Variants in KYNU observed in about 807,000 individuals in gnomAD.
KYNU encodes L-kynurenine hydrolase.
A neutral mutation model predicts 59.2 loss-of-function variants in KYNU; 54 were observed. The observed-to-expected ratio is 0.91, with a 90% confidence interval of 0.73 to 1.14. KYNU has a LOEUF of 1.14. Ranked by LOEUF, KYNU falls within the 50% of genes most tolerant of loss-of-function variation. The pLI is 0.00. For synonymous variants in KYNU, 177 were observed against 192.0 expected (o/e 0.92, Z 0.65); for missense variants, 567 against 554.4 (o/e 1.02, Z -0.23).
intron 12 of KYNU, among the ~76,000 whole-genome samples, chr2:143,036,214 AT>A (rs1686889651): frequency 6.6e-6 from 1 of 151,954 alleles, no homozygotes; most frequent in African/African-American, 2.4e-5. Context: ...AATTTAATTT[AT>A]TTAGTAAGGC....
At chr2:142,897,447 CA>C (rs1176701666) in intron 2 of KYNU, among the ~76,000 whole-genome samples, 1 of 152,200 alleles carries the variant, frequency 6.6e-6, no homozygotes, top group African/African-American at 2.4e-5. Flanking sequence ...ATTAGTACCA[CA>C]ATTATTAAGA....
chr2:142,937,839 A>G (rs979347981), intron 4 of KYNU, among the ~76,000 whole-genome samples: 2 of 152,224 alleles, frequency 1.3e-5, no homozygotes, highest in African/African-American at 4.8e-5. Flanking sequence ...TTTAGGCTGG[A>G]CTTAAAATAT....
In KYNU at chr2:143,051,118, AATAG is replaced by A. The variant is rs1487474748; in HGVS notation, c.*8949_*8952del. ...AGGTCATTGTGAAGTAGTGGATGTAAATAGATCTGATGTGGTTTTGGTTTATTGC... is the reference window on the plus strand; with the variant it reads ...AGGTCATTGTGAAGTAGTGGATGTAAATCTGATGTGGTTTTGGTTTATTGC... On this transcript the variant is annotated 3_prime_UTR_variant, in exon 14 of 14. Transcript: ENST00000264170. The A allele has an allele frequency of 6.6e-6, 1 of 152,190 alleles. No homozygotes were observed. The highest frequency in any genetic ancestry group is 1.5e-5 in the Non-Finnish European group (1 of 68,026). The allele number at this position is 152,190 out of a possible 1,614,324, so 9.4% of individuals were successfully genotyped here.
At chr2:142,958,698 G>A (rs1030410405) in intron 7 of KYNU, among the ~76,000 whole-genome samples, 5 of 152,126 alleles carry the variant, frequency 3.3e-5, no homozygotes, top group Non-Finnish European at 2.9e-5. Context: ...CCAATATTGT[G>A]GAGTTTCATG....
At chr2:143,004,737 C>G (rs892693428) in intron 10 of KYNU, among the ~76,000 whole-genome samples, 2 of 152,012 alleles carry the variant, frequency 1.3e-5, no homozygotes, top group African/African-American at 4.8e-5. Context: ...TTTTTCCTCC[C>G]GAGCATACAA....
chr2:142,997,807 A>G (rs530807849), intron 10 of KYNU, among the ~76,000 whole-genome samples: 40 of 152,260 alleles, frequency 2.6e-4, no homozygotes, highest in African/African-American at 9.1e-4. Context: ...AATGAATGAC[A>G]TATTTAGGAA....
intron 3 of KYNU, among the ~76,000 whole-genome samples, chr2:142,919,790 G>A (rs574001141): frequency 6.6e-6 from 1 of 152,228 alleles, no homozygotes; most frequent in Non-Finnish European, 1.5e-5. Flanking sequence ...ACAAAAATTA[G>A]GCCGGGAATG....
chr2:143,042,600 A>ATGTGTG lies in KYNU; in HGVS notation c.*429_*430insGTGTGT, dbSNP rs1687087632. On this transcript the variant is annotated 3_prime_UTR_variant, in exon 14 of 14. Coordinates refer to ENST00000264170, the MANE Select transcript of KYNU (RefSeq NM_003937.3). ...TGTAGTCTGATATATATATATATAT[A>ATGTGTG]TATATATATATATATATATATATAT... 2.4e-4 allele frequency: 2 copies of ATGTGTG among 8,498 alleles called. No homozygotes were observed. The highest frequency in any genetic ancestry group is 4.9e-4 in the African/African-American group (2 of 4,114). 0.5% of individuals were successfully genotyped at this position (8,498 alleles called of 1,614,324 possible).
chr2:142,924,186 C>T (rs1400673205), intron 3 of KYNU, among the ~76,000 whole-genome samples: 1 of 151,928 alleles, frequency 6.6e-6, no homozygotes, highest in Non-Finnish European at 1.5e-5. Context: ...CTCACTGCAG[C>T]CTTAAACACT....
At position 143,012,182 on chromosome 2, in the gene KYNU, A is replaced by G. The variant is rs187964603; in HGVS notation, c.903-17445A>G. 6.4e-3 allele frequency among the ~76,000 whole-genome samples: 973 copies of G among 152,282 alleles called. 7 individuals carry two copies. Among genetic ancestry groups the G allele is most frequent in the Non-Finnish European group, 8.3e-3 (567 of 68,012 alleles). The stretch of plus-strand genomic sequence containing the variant: ...CAAAGGAGAACAGAAGAAAGCAGCT[A>G]TCTCAGAAGGGGCTCTGGACCAGGC... On this transcript the variant is annotated intron_variant, in intron 10 of 13. Coordinates refer to ENST00000264170, the MANE Select transcript of KYNU (RefSeq NM_003937.3).
intron 1 of KYNU, among the ~76,000 whole-genome samples, chr2:142,880,934 CA>C (rs1465288344): frequency 1.3e-5 from 2 of 152,106 alleles, no homozygotes; most frequent in Non-Finnish European, 2.9e-5. Context: ...TACATATGTC[CA>C]AATAAATATA....
chr2:142,939,602 C>CAAAAAAAAAAAAA (rs71301737), intron 4 of KYNU, among the ~76,000 whole-genome samples: 212 of 64,416 alleles, frequency 3.3e-3, no homozygotes, highest in Non-Finnish European at 3.7e-3. Context: ...CTCCATCTCA[C>CAAAAAAAAAAAAA]AAAAAAAAAA....
intron 10 of KYNU, among the ~76,000 whole-genome samples, chr2:142,997,148 A>G (rs1029180838): frequency 2.6e-5 from 4 of 152,150 alleles, no homozygotes; most frequent in African/African-American, 9.7e-5. Context: ...CTATGTATAT[A>G]TTTCTTAAAC....
chr2:143,027,719 T>C (rs189700673), intron 10 of KYNU, among the ~76,000 whole-genome samples: 1 of 152,326 alleles, frequency 6.6e-6, no homozygotes, highest in African/African-American at 2.4e-5. Context: ...AATTTTCTTC[T>C]GTTTTATACT....
intron 2 of KYNU, among the ~76,000 whole-genome samples, chr2:142,910,815 C>G (rs1682456574): frequency 6.6e-6 from 1 of 152,172 alleles, no homozygotes; most frequent in Admixed American, 6.5e-5. Context: ...CCAGCACCAC[C>G]TATTGAATAA....
At position 142,883,490 on chromosome 2, in the gene KYNU, G is replaced by A. The variant is rs144400068; in HGVS notation, c.-19-1859G>A. ...TGGGATTACAGGCGTGAGCCACTGC[G>A]CCTGGCCCCAAATTTCTTTATGACT... On this transcript the variant is annotated intron_variant, in intron 1 of 13. Coordinates refer to ENST00000264170, the MANE Select transcript of KYNU (RefSeq NM_003937.3). Among the ~76,000 whole-genome samples the A allele has an allele frequency of 3.0e-3, 462 of 152,014 alleles. 2 individuals are homozygous for A. Among genetic ancestry groups the A allele is most frequent in the Middle Eastern group, 6.8e-3 (2 of 292 alleles).
intron 2 of KYNU, among the ~76,000 whole-genome samples, chr2:142,906,025 T>C (rs947018735): frequency 8.5e-5 from 13 of 152,224 alleles, no homozygotes; most frequent in South Asian, 2.1e-4. Context: ...CCTCTCTGTC[T>C]CTTTCTCTCC....
At chr2:143,011,004 A>G (rs1686078610) in intron 10 of KYNU, among the ~76,000 whole-genome samples, 1 of 145,422 alleles carries the variant, frequency 6.9e-6, no homozygotes, top group African/African-American at 2.6e-5. Flanking sequence ...AGGCATGGGC[A>G]AGGACTTCAT....
rs1687308562 is a variant in KYNU, at chr2:143,053,827, G to A, written c.*11655G>A. 6.6e-6 allele frequency: 1 copy of A among 152,268 alleles called. No homozygotes were observed. The highest frequency in any genetic ancestry group is 1.5e-5 in the Non-Finnish European group (1 of 68,100). 9.4% of individuals were successfully genotyped at this position (152,268 alleles called of 1,614,324 possible). A position where few individuals can be genotyped will look rare whatever the true frequency, so the allele number is the denominator to read the frequency against. ...AAACGGATTAATATACTAATTTATA[G>A]CTAGTAGGTAAAAAGCCAGGGACTT... is the stretch of plus-strand genomic sequence containing the variant. On this transcript the variant is annotated 3_prime_UTR_variant, in exon 14 of 14. Coordinates refer to ENST00000264170, the MANE Select transcript of KYNU (RefSeq NM_003937.3).
Sources: allele counts gnomAD v4.1 joint callset (sites outside exome capture counted in the v4.1 genomes callset), GRCh38; gene constraint gnomAD v4.1.1; transcripts MANE v1.5; gene names NCBI Gene and HGNC (gene_info 2026-07-23, HGNC 2026-07-21).